Variants in DPP6 observed in about 807,000 individuals in gnomAD.
The protein encoded by DPP6 is dipeptidyl peptidase like 6.
In DPP6, 69 loss-of-function variants were observed where a neutral mutation model predicts 122.6. That is an observed-to-expected ratio of 0.56 (90% CI 0.46 to 0.69). The LOEUF (loss-of-function observed/expected upper bound fraction) is 0.69. Ranked by LOEUF, DPP6 falls within the 30% of genes least tolerant of loss-of-function variation. The pLI is 0.00. For missense variants in DPP6, 928 were observed against 1,116.9 expected, an observed-to-expected ratio of 0.83 and a Z score of 2.41; for synonymous variants, 418 against 433.1, an observed-to-expected ratio of 0.97 and a Z score of 0.43.
intron 1 of DPP6, among the ~76,000 whole-genome samples, chr7:153,929,910 C>G (rs531551701): frequency 6.6e-6 from 1 of 152,132 alleles, no homozygotes; most frequent in Non-Finnish European, 1.5e-5. Context: ...ATTCTGACAT[C>G]GTGGAAGCCA....
At chr7:154,797,704 C>T (rs1798126926) in intron 12 of DPP6, among the ~76,000 whole-genome samples, 1 of 152,124 alleles carries the variant, frequency 6.6e-6, no homozygotes, top group Admixed American at 6.5e-5. Flanking sequence ...TGTTTTGGAA[C>T]TAGATAGAGG....
chr7:154,458,420 C>G (rs182089225), intron 2 of DPP6, among the ~76,000 whole-genome samples: 17 of 152,226 alleles, frequency 1.1e-4, no homozygotes, highest in Non-Finnish European at 1.8e-4. Context: ...CTCATTAAAC[C>G]TCTTTTTCTT....
At chr7:154,634,717 C>T (rs1359127060) in intron 5 of DPP6, among the ~76,000 whole-genome samples, 1 of 151,860 alleles carries the variant, frequency 6.6e-6, no homozygotes, top group African/African-American at 2.4e-5. Flanking sequence ...CTTCTTCCTT[C>T]TTCTCTTTCT....
intron 1 of DPP6, among the ~76,000 whole-genome samples, chr7:153,933,658 T>A (rs1357975142): frequency 1.3e-5 from 2 of 150,960 alleles, no homozygotes; most frequent in Non-Finnish European, 2.9e-5. Context: ...TTAAAATATT[T>A]GCAATGCCCT....
intron 1 of DPP6, among the ~76,000 whole-genome samples, chr7:154,170,699 C>T (rs1585543286): frequency 6.6e-6 from 1 of 152,346 alleles, no homozygotes; most frequent in East Asian, 1.9e-4. Context: ...GACTGTGCCC[C>T]TGGTATGGGA....
chr7:154,175,038 C>G (rs546221805), intron 1 of DPP6, among the ~76,000 whole-genome samples: 2 of 151,904 alleles, frequency 1.3e-5, no homozygotes, highest in African/African-American at 4.8e-5. Flanking sequence ...ACGCGCCCCC[C>G]ACCCCTGTCT....
chr7:154,254,053 G>T (rs867949496), intron 1 of DPP6, among the ~76,000 whole-genome samples: 4 of 152,196 alleles, frequency 2.6e-5, no homozygotes, highest in Admixed American at 6.5e-5. Context: ...GTCACCTCCC[G>T]CCGGGCCCCT....
chr7:154,024,761 G>C (rs1369466607), intron 1 of DPP6, among the ~76,000 whole-genome samples: 1 of 152,256 alleles, frequency 6.6e-6, no homozygotes, highest in Admixed American at 6.5e-5. Flanking sequence ...AGCGGGGCTT[G>C]TCTCCCCGTG....
At chr7:154,064,279 G>C (rs1802527416) in intron 1 of DPP6, among the ~76,000 whole-genome samples, 1 of 152,142 alleles carries the variant, frequency 6.6e-6, no homozygotes, top group Non-Finnish European at 1.5e-5. Context: ...CATCTGACCA[G>C]AGCTCTTCCC....
At chr7:154,295,390 A>C (rs1021338473) in intron 1 of DPP6, among the ~76,000 whole-genome samples, 3 of 152,208 alleles carry the variant, frequency 2.0e-5, no homozygotes, top group African/African-American at 7.2e-5. Context: ...TCGACAACTT[A>C]TCCATTTCCT....
In DPP6 at chr7:154,052,768, GA is replaced by G; in HGVS notation, c.-50del. On this transcript the variant is annotated 5_prime_UTR_variant, in exon 1 of 26. Coordinates refer to ENST00000377770, the MANE Select transcript of DPP6 (RefSeq NM_130797.4). The surrounding 1 kb of genome is among the most constrained non-coding windows in gnomAD (Gnocchi z 4.8). ...CGGGGTGGGGAGTGGGAACCGGAGA[GA>G]AAGCAAAATATTAAAAAGCCCCAAA... 1 of 1,418,078 alleles carries G rather than the reference GA, an allele frequency of 7.1e-7. No homozygotes were observed. The allele number at this position is 1,418,078 out of a possible 1,614,324, so 87.8% of individuals were successfully genotyped here. A position where few individuals can be genotyped will look rare whatever the true frequency, so the allele number is the denominator to read the frequency against.
intron 1 of DPP6, among the ~76,000 whole-genome samples, chr7:154,109,395 AT>A (rs1806403082): frequency 2.0e-5 from 3 of 151,838 alleles, no homozygotes; most frequent in Non-Finnish European, 4.4e-5. Context: ...GGTTCAAGTG[AT>A]TTTCCTGTCT....
At chr7:154,680,210 G>A (rs1382606050) in intron 7 of DPP6, among the ~76,000 whole-genome samples, 5 of 152,118 alleles carry the variant, frequency 3.3e-5, no homozygotes, top group Non-Finnish European at 5.9e-5. Context: ...GTGGAGATTT[G>A]TTTTAACTCT....
intron 1 of DPP6, among the ~76,000 whole-genome samples, chr7:153,984,720 TCA>T (rs1796757747): frequency 1.3e-5 from 2 of 152,180 alleles, no homozygotes; most frequent in Non-Finnish European, 2.9e-5. Flanking sequence ...CATGAGGTTG[TCA>T]TCATTTAATT....
chr7:154,085,224 C>A (rs998864564), intron 1 of DPP6, among the ~76,000 whole-genome samples: 37 of 151,988 alleles, frequency 2.4e-4, no homozygotes, highest in Non-Finnish European at 5.0e-4. Context: ...TCTGGAATGT[C>A]CTTTTATCTT....
At chr7:154,848,592 A>T (rs1264564414) in intron 16 of DPP6, among the ~76,000 whole-genome samples, 6 of 152,166 alleles carry the variant, frequency 3.9e-5, no homozygotes, top group Non-Finnish European at 7.3e-5. Context: ...ATTTGCCAGT[A>T]TTTTCAACAC....
At chr7:154,716,142 C>T (rs2131322586) in intron 7 of DPP6, among the ~76,000 whole-genome samples, 1 of 152,314 alleles carries the variant, frequency 6.6e-6, no homozygotes, top group Admixed American at 6.5e-5. Flanking sequence ...ACTTCTGCCT[C>T]CCATCTCCCC....
chr7:154,219,740 C>A (rs546238443), intron 1 of DPP6, among the ~76,000 whole-genome samples: 1 of 152,192 alleles, frequency 6.6e-6, no homozygotes, highest in African/African-American at 2.4e-5. Context: ...TGCCTGCCAC[C>A]ACACCTGGCT....
intron 1 of DPP6, among the ~76,000 whole-genome samples, chr7:154,042,390 AC>A (rs1271907464): frequency 6.6e-6 from 1 of 152,206 alleles, no homozygotes; most frequent in Non-Finnish European, 1.5e-5. Flanking sequence ...GAATACATGA[AC>A]CATGCTCACA....
Sources: allele counts gnomAD v4.1 joint callset (sites outside exome capture counted in the v4.1 genomes callset), GRCh38; gene constraint gnomAD v4.1.1; non-coding constraint Gnocchi (gnomAD v3.1); transcripts MANE v1.5; gene names NCBI Gene and HGNC (gene_info 2026-07-23, HGNC 2026-07-21).